The following SEMA5B variants were observed in gnomAD, a reference collection of about 807,000 sequenced individuals.
SEMA5B encodes semaphorin-5B.
In SEMA5B, 66 loss-of-function variants were observed where a neutral mutation model predicts 135.0. The observed-to-expected ratio is 0.49, with a 90% CI of 0.40 to 0.60. The LOEUF (loss-of-function observed/expected upper bound fraction) is 0.60. Among genes scored for constraint, SEMA5B ranks in the 20% least tolerant of loss-of-function variants. The pLI, the probability that SEMA5B is intolerant of heterozygous loss-of-function variation, is 0.00. For synonymous variants in SEMA5B, 690 were observed against 639.5 expected, an observed-to-expected ratio of 1.08 and a Z score of -1.19; for missense variants, 1,501 against 1,566.3, an observed-to-expected ratio of 0.96 and a Z score of 0.70.
chr3:122,982,240 G>A (rs554021686), intron 1 of SEMA5B, among the ~76,000 whole-genome samples: 7 of 152,286 alleles, frequency 4.6e-5, no homozygotes, highest in South Asian at 2.1e-4. Context: ...CATAGTCTCC[G>A]GAAGAGGGTT....
At chr3:122,933,145 G>T (rs1257118766) in intron 5 of SEMA5B, among the ~76,000 whole-genome samples, 4 of 151,914 alleles carry the variant, frequency 2.6e-5, no homozygotes, top group Non-Finnish European at 5.9e-5. Context: ...CCTCCTGCTT[G>T]ACTGTTAGCC....
At chr3:122,948,398 G>A (rs1939885277) in intron 3 of SEMA5B, 108 bp downstream of exon 3, 1 of 921,682 alleles carries the variant, frequency 1.1e-6, no homozygotes, top group Non-Finnish European at 1.6e-6. Flanking sequence ...AGCAGTTAAT[G>A]AACATCCCAA....
chr3:122,931,405 C>T (rs1166332165), intron 5 of SEMA5B, among the ~76,000 whole-genome samples: 1 of 152,064 alleles, frequency 6.6e-6, no homozygotes, highest in Non-Finnish European at 1.5e-5. Flanking sequence ...TATTTACAGC[C>T]AGTACCCCAG....
chr3:122,914,599 G>A (rs1379975355), intron 14 of SEMA5B, among the ~76,000 whole-genome samples: 1 of 152,220 alleles, frequency 6.6e-6, no homozygotes, highest in Non-Finnish European at 1.5e-5. Context: ...TGAGGTTGCT[G>A]TGAGGGCTAC....
At chr3:122,999,651 C>T (rs1942122975) in intron 1 of SEMA5B, among the ~76,000 whole-genome samples, 1 of 152,132 alleles carries the variant, frequency 6.6e-6, no homozygotes, top group Non-Finnish European at 1.5e-5. Context: ...AGGACCCTCC[C>T]TTTCTCCTTC....
In SEMA5B at chr3:122,922,374, A is replaced by G; in HGVS notation, c.1346T>C (p.Phe449Ser). The G allele has an allele frequency of 6.2e-7, 1 of 1,612,824 alleles. No individual in the cohort carries two copies. Among genetic ancestry groups the G allele is most frequent in the Non-Finnish European group, 8.5e-7 (1 of 1,179,540 alleles). The change falls in exon 11 of 23, where the codon TTC becomes TCC. Residue 449 changes from phenylalanine (F) to serine (S), a missense_variant. By Grantham distance (155) the Phe-to-Ser change is radical. Transcript: ENST00000357599. The stretch of plus-strand genomic sequence containing the variant: ...CGGCTGCACGGCCTCGCTCATCAGG[A>G]AGAGGCGCTGCGCGTCCTGCAGGCT... ...ERSLQDAQRL[F>S]LMSEAVQPVT...
chr3:122,959,436 G>C (rs536610824), intron 2 of SEMA5B, among the ~76,000 whole-genome samples: 5 of 152,288 alleles, frequency 3.3e-5, no homozygotes, highest in African/African-American at 1.2e-4. Context: ...TAGCCATGTG[G>C]GTGGAGCCCA....
chr3:122,960,660 G>A (rs1490970762), intron 2 of SEMA5B, among the ~76,000 whole-genome samples: 2 of 152,230 alleles, frequency 1.3e-5, no homozygotes. Context: ...AGGAAATTCT[G>A]ACACATGCTA....
intron 6 of SEMA5B, 33 bp downstream of exon 6, chr3:122,928,963 A>G: frequency 6.2e-7 from 1 of 1,608,404 alleles, no homozygotes; most frequent in Non-Finnish European, 8.5e-7. Flanking sequence ...TTCCAGCTCC[A>G]GGTGGGGCCC....
intron 19 of SEMA5B, 31 bp from the exon 20 acceptor site, chr3:122,912,100 G>A: frequency 6.3e-7 from 1 of 1,597,260 alleles, no homozygotes; most frequent in South Asian, 1.1e-5. Context: ...GAGGTTAACT[G>A]CCCAGGGACC....
Position 123,027,542 on chromosome 3 carries a change from G to C in SEMA5B, c.-117C>G, listed in dbSNP as rs1207837829. ...GGCGCGGAGCGGCGGGAGCTAACCA[G>C]ATGGGCTGGCGGCCGGTCTGGGAAT... is the stretch of plus-strand genomic sequence containing the variant. On this transcript the variant is annotated 5_prime_UTR_variant, in exon 1 of 23. The change creates a new upstream start codon in the 5' untranslated region. Transcript: ENST00000357599. 1 of 152,164 alleles carries C rather than the reference G, an allele frequency of 6.6e-6. No individual in the cohort carries two copies. Among genetic ancestry groups the C allele is most frequent in the Non-Finnish European group, 1.5e-5 (1 of 68,058 alleles). 9.4% of individuals were successfully genotyped at this position (152,164 alleles called of 1,614,324 possible).
At chr3:122,940,315 C>T (rs34671208) in intron 4 of SEMA5B, among the ~76,000 whole-genome samples, 38,197 of 152,056 alleles carry the variant, frequency 0.25, 4,846 homozygotes, top group East Asian at 0.33. Flanking sequence ...AATTCCAGCT[C>T]AGCCACCTGC....
intron 5 of SEMA5B, among the ~76,000 whole-genome samples, chr3:122,932,622 T>C (rs946654436): frequency 5.9e-5 from 9 of 152,148 alleles, no homozygotes; most frequent in Non-Finnish European, 1.0e-4. Context: ...CAAGCCATAC[T>C]GCCCAGACCC....
chr3:122,929,715 C>G (rs1938856472), intron 5 of SEMA5B, among the ~76,000 whole-genome samples: 1 of 152,176 alleles, frequency 6.6e-6, no homozygotes, highest in Non-Finnish European at 1.5e-5. Flanking sequence ...CCTCCCACCC[C>G]CACTGTCTGC....
chr3:122,971,042 A>G (rs1941093006), intron 1 of SEMA5B, among the ~76,000 whole-genome samples: 1 of 152,150 alleles, frequency 6.6e-6, no homozygotes, highest in Non-Finnish European at 1.5e-5. Flanking sequence ...ATCAATAAAG[A>G]CCTGGTCCTG....
intron 2 of SEMA5B, among the ~76,000 whole-genome samples, chr3:122,952,876 TGGG>T (rs2107570728): frequency 6.6e-6 from 1 of 152,262 alleles, no homozygotes. Context: ...CTTCCAGGCT[TGGG>T]AAGGAAATTG....
At position 122,998,757 on chromosome 3, in the gene SEMA5B, GTGAAAAGATACT is replaced by G. The variant is rs149067036; in HGVS notation, c.-39+28695_-39+28706del. 3.8e-3 allele frequency among the ~76,000 whole-genome samples: 578 copies of G among 152,298 alleles called. 6 individuals carry two copies. Among genetic ancestry groups the G allele is most frequent in the African/African-American group, 0.013 (561 of 41,570 alleles). ...TCCCTCTTCCCAGGGGCTCCACTCAGTGAAAAGATACTCCAAGTCTCATTGGCTCAACTCATT... is the reference window on the plus strand; with the variant it reads ...TCCCTCTTCCCAGGGGCTCCACTCAGCCAAGTCTCATTGGCTCAACTCATT... On this transcript the variant is annotated intron_variant, in intron 1 of 22. Transcript: ENST00000357599.
chr3:122,922,198 C>T (rs764118237), intron 11 of SEMA5B, 42 bp downstream of exon 11: 7 of 1,584,468 alleles, frequency 4.4e-6, no homozygotes, highest in Non-Finnish European at 5.2e-6. Flanking sequence ...GTCCCTCAAC[C>T]CACCCCCGAC....
At chr3:122,948,979 T>G in intron 2 of SEMA5B, among the ~76,000 whole-genome samples, 1 of 152,222 alleles carries the variant, frequency 6.6e-6, no homozygotes, top group East Asian at 1.9e-4. Flanking sequence ...TTAGTTTTAA[T>G]GATAAAGGTA....
Sources: allele counts gnomAD v4.1 joint callset (sites outside exome capture counted in the v4.1 genomes callset), GRCh38; gene constraint gnomAD v4.1.1; transcripts MANE v1.5; gene names NCBI Gene and HGNC (gene_info 2026-07-23, HGNC 2026-07-21).